PRKN: variants seen among roughly 807,000 people sequenced by gnomAD.
The protein encoded by PRKN is E3 ubiquitin-protein ligase parkin.
In PRKN, 56 loss-of-function variants were observed where a neutral mutation model predicts 59.5. The observed-to-expected ratio is 0.94, with a 90% CI of 0.76 to 1.18. The LOEUF (loss-of-function observed/expected upper bound fraction) is 1.18. PRKN is among the 50% of genes most tolerant of loss of function. PRKN has a pLI of 0.00. For missense variants in PRKN, 657 were observed against 596.4 expected, an observed-to-expected ratio of 1.10 and a Z score of -1.06; for synonymous variants, 250 against 222.1, an observed-to-expected ratio of 1.13 and a Z score of -1.12.
rs1004952272 is a variant in PRKN, at chr6:161,363,459, G to A, written c.1168-3254C>T. ...ACATAACAAATTAGATACAAATGAA[G>A]AGAGAATTTGTGAACTGAAAGATGG... On this transcript the variant is annotated intron_variant, in intron 10 of 11. Coordinates refer to ENST00000366898, the MANE Select transcript of PRKN (RefSeq NM_004562.3). The surrounding 1 kb of genome is among the most constrained non-coding windows in gnomAD (Gnocchi z 4.1). Among the ~76,000 whole-genome samples, 1 of 152,076 alleles carries A rather than the reference G, an allele frequency of 6.6e-6. No individual in the cohort carries two copies. Among genetic ancestry groups the A allele is most frequent in the Non-Finnish European group, 1.5e-5 (1 of 68,022 alleles).
At chr6:161,450,758 T>G (rs1318854979) in intron 9 of PRKN, among the ~76,000 whole-genome samples, 1 of 152,214 alleles carries the variant, frequency 6.6e-6, no homozygotes, top group African/African-American at 2.4e-5. Flanking sequence ...GGTTTCACTG[T>G]GTTAGCCAGG....
chr6:161,770,069 TAGG>T (rs1389647031), intron 7 of PRKN, among the ~76,000 whole-genome samples: 2 of 152,058 alleles, frequency 1.3e-5, no homozygotes, highest in Admixed American at 6.5e-5. Flanking sequence ...ACAGGAAAGT[TAGG>T]AGGATCCATC....
At chr6:161,682,749 C>G (rs532643219) in intron 7 of PRKN, among the ~76,000 whole-genome samples, 38 of 152,274 alleles carry the variant, frequency 2.5e-4, no homozygotes, top group African/African-American at 8.9e-4. Context: ...CTGCAAGACG[C>G]GAGGCCTGGT....
At chr6:162,626,727 T>A (rs537516279) in intron 1 of PRKN, among the ~76,000 whole-genome samples, 47 of 151,572 alleles carry the variant, frequency 3.1e-4, no homozygotes, top group Non-Finnish European at 6.0e-4. Flanking sequence ...GGCAGGAGAA[T>A]TGCTTGAAAG....
intron 6 of PRKN, among the ~76,000 whole-genome samples, chr6:161,808,877 G>T (rs992836118): frequency 6.6e-6 from 1 of 152,180 alleles, no homozygotes; most frequent in African/African-American, 2.4e-5. Flanking sequence ...GTCTCACTCT[G>T]TTGCTGAGGC....
intron 2 of PRKN, chr6:162,275,013 G>A (rs151307095): frequency 6.7e-6 from 1 of 150,308 alleles, no homozygotes; most frequent in African/African-American, 2.5e-5. Flanking sequence ...CCTGGGAGGT[G>A]GAGCTTGCAG....
At chr6:162,618,165 CTGTT>C (rs140467252) in intron 1 of PRKN, among the ~76,000 whole-genome samples, 1,591 of 152,208 alleles carry the variant, frequency 0.01, 35 homozygotes, top group African/African-American at 0.035. Flanking sequence ...TTTTTTAAAA[CTGTT>C]TGGAGCACAT....
chr6:162,455,249 TCATCCACACATCCACATAGCCAGC>T (rs564655780), intron 1 of PRKN, among the ~76,000 whole-genome samples: 111 of 152,270 alleles, frequency 7.3e-4, no homozygotes, highest in African/African-American at 2.5e-3. Context: ...ATCTGCCCAT[TCATCCACACATCCACATAGCCAGC>T]CATCCACCCA....
intron 2 of PRKN, among the ~76,000 whole-genome samples, chr6:162,369,800 C>T (rs1785648035): frequency 6.6e-6 from 1 of 152,114 alleles, no homozygotes. Context: ...TTTTCCCCTA[C>T]AAAGCCCGTC....
intron 1 of PRKN, among the ~76,000 whole-genome samples, chr6:162,460,821 A>T (rs1231008541): frequency 1.3e-5 from 2 of 152,182 alleles, no homozygotes; most frequent in Non-Finnish European, 1.5e-5. Flanking sequence ...AATATCTCAC[A>T]GTTGCTGTAC....
intron 6 of PRKN, among the ~76,000 whole-genome samples, chr6:161,972,602 T>C (rs55674794): frequency 6.6e-6 from 1 of 152,162 alleles, no homozygotes; most frequent in East Asian, 1.9e-4. Context: ...AACTAGCTAC[T>C]TGCTTTCATT....
intron 3 of PRKN, among the ~76,000 whole-genome samples, chr6:162,206,258 A>C (rs9458486): frequency 0.17 from 26,100 of 152,072 alleles, 2,826 homozygotes; most frequent in Middle Eastern, 0.25. Context: ...TTAGACTGGC[A>C]CTTCTTGTAT....
At chr6:161,707,136 T>C (rs956418898) in intron 7 of PRKN, among the ~76,000 whole-genome samples, 59 of 152,176 alleles carry the variant, frequency 3.9e-4, no homozygotes, top group South Asian at 2.1e-4. Context: ...GACTTCAACA[T>C]TATAGCTAAT....
At chr6:161,734,003 CACAT>C (rs1240952998) in intron 7 of PRKN, among the ~76,000 whole-genome samples, 1,144 of 96,794 alleles carry the variant, frequency 0.012, 23 homozygotes, top group African/African-American at 0.061. Flanking sequence ...CACACACACA[CACAT>C]ATTTGCTAAT....
At chr6:161,542,462 G>C (rs1402971372) in intron 9 of PRKN, among the ~76,000 whole-genome samples, 1 of 152,186 alleles carries the variant, frequency 6.6e-6, no homozygotes, top group Non-Finnish European at 1.5e-5. Flanking sequence ...GTACATTTGT[G>C]AACAGTTTCT....
chr6:161,761,624 G>A (rs1023029214), intron 7 of PRKN, among the ~76,000 whole-genome samples: 3 of 152,178 alleles, frequency 2.0e-5, no homozygotes, highest in Non-Finnish European at 2.9e-5. Flanking sequence ...TGGCTTCCAA[G>A]TAAGAAAACC....
chr6:162,101,204 G>C (rs1379325078), intron 4 of PRKN, among the ~76,000 whole-genome samples: 1 of 151,864 alleles, frequency 6.6e-6, no homozygotes. Flanking sequence ...GAGCTTTACA[G>C]ATTCAGTTCT....
At chr6:162,124,457 A>G (rs1781041800) in intron 4 of PRKN, among the ~76,000 whole-genome samples, 1 of 152,196 alleles carries the variant, frequency 6.6e-6, no homozygotes, top group Non-Finnish European at 1.5e-5. Context: ...AAAGAGCCTA[A>G]GCCAGGGATG....
chr6:161,932,846 C>G (rs1329446091), intron 6 of PRKN, among the ~76,000 whole-genome samples: 1 of 151,658 alleles, frequency 6.6e-6, no homozygotes, highest in Admixed American at 6.6e-5. Flanking sequence ...AGAACAAAGA[C>G]TGGTTTTTGA....
Sources: gnomAD v4.1 joint callset for allele counts (sites outside exome capture counted in the v4.1 genomes callset) on GRCh38, gnomAD v4.1.1 for gene constraint, Gnocchi (gnomAD v3.1) non-coding constraint, MANE v1.5 for transcripts, NCBI Gene and HGNC (gene_info 2026-07-23, HGNC 2026-07-21) for gene names.